Variants in EBF1 observed in about 807,000 individuals in gnomAD.
The protein encoded by EBF1 is EBF transcription factor 1.
A neutral mutation model predicts 68.4 loss-of-function variants in EBF1; 10 were observed. The ratio of observed to expected loss-of-function variants is 0.15; its 90% CI spans 0.09 to 0.25. The LOEUF (loss-of-function observed/expected upper bound fraction) is 0.25. EBF1 is among the 10% of genes least tolerant of loss of function. The pLI is 1.00. For missense variants in EBF1, 509 were observed against 794.4 expected, an observed-to-expected ratio of 0.64 and a Z score of 4.32; for synonymous variants, 298 against 299.8, an observed-to-expected ratio of 0.99 and a Z score of 0.06.
chr5:158,696,899 T>G lies in EBF1; in HGVS notation c.*2212A>C, dbSNP rs187371078. On this transcript the variant is annotated 3_prime_UTR_variant, in exon 16 of 16. Transcript: ENST00000313708. ...CTTTTGTGCTTTTCGATTTCTTTGT[T>G]TTTTTTTTTTTCTTTTTTTCTTTTT... The G allele has an allele frequency of 4.6e-5, 9 of 194,682 alleles. No individual in the cohort carries two copies. Among genetic ancestry groups the G allele is most frequent in the African/African-American group, 1.9e-4 (8 of 42,550 alleles). 12.1% of individuals were successfully genotyped at this position (194,682 alleles called of 1,614,324 possible).
intron 6 of EBF1, among the ~76,000 whole-genome samples, chr5:159,059,715 G>C (rs1006207374): frequency 6.6e-6 from 1 of 152,176 alleles, no homozygotes; most frequent in Admixed American, 6.5e-5. Flanking sequence ...GAGGAAAACA[G>C]TTCTACTGTA....
chr5:158,764,791 T>C (rs1308404571), intron 10 of EBF1, among the ~76,000 whole-genome samples: 1 of 152,170 alleles, frequency 6.6e-6, no homozygotes, highest in Non-Finnish European at 1.5e-5. Context: ...TTGGTAGGTA[T>C]AAAAATCTAA....
chr5:158,781,735 C>CTCT (rs893494517), intron 9 of EBF1, among the ~76,000 whole-genome samples: 2 of 152,130 alleles, frequency 1.3e-5, no homozygotes, highest in Admixed American at 6.5e-5. Context: ...GCCCCACTGG[C>CTCT]TCTTCTCTGC....
intron 10 of EBF1, among the ~76,000 whole-genome samples, chr5:158,766,089 C>T (rs1057305103): frequency 6.6e-6 from 1 of 152,094 alleles, no homozygotes; most frequent in South Asian, 2.1e-4. Context: ...GTAATGCTTA[C>T]GGAGGTGCAG....
chr5:158,742,167 G>GTT (rs1021362680), intron 10 of EBF1, among the ~76,000 whole-genome samples: 2 of 152,182 alleles, frequency 1.3e-5, no homozygotes, highest in African/African-American at 4.8e-5. Context: ...TTGTGATACT[G>GTT]TTTTTGCTAT....
intron 6 of EBF1, among the ~76,000 whole-genome samples, chr5:158,903,613 C>T (rs75910423): frequency 6.6e-6 from 1 of 151,836 alleles, no homozygotes; most frequent in Admixed American, 6.6e-5. Flanking sequence ...AAAAAAAAAA[C>T]GCAGTCTGCT....
chr5:158,782,911 G>T (rs562622299), intron 9 of EBF1, among the ~76,000 whole-genome samples: 1 of 151,748 alleles, frequency 6.6e-6, no homozygotes, highest in African/African-American at 2.4e-5. Flanking sequence ...TGACTAGCTC[G>T]ACACTCAGAT....
intron 8 of EBF1, among the ~76,000 whole-genome samples, chr5:158,798,574 C>A (rs1285952178): frequency 6.6e-6 from 1 of 152,142 alleles, no homozygotes; most frequent in African/African-American, 2.4e-5. Context: ...TGGTTTTGAA[C>A]TTGACCCCTT....
At chr5:159,092,698 G>A (rs1781873237) in intron 4 of EBF1, among the ~76,000 whole-genome samples, 1 of 152,180 alleles carries the variant, frequency 6.6e-6, no homozygotes, top group Non-Finnish European at 1.5e-5. Context: ...TCAAGAATAT[G>A]ACATCACTCA....
chr5:158,956,259 T>G (rs1417890959), intron 6 of EBF1, among the ~76,000 whole-genome samples: 2 of 152,154 alleles, frequency 1.3e-5, no homozygotes, highest in Non-Finnish European at 2.9e-5. Context: ...TGCTGCAGTT[T>G]CCTTTCACTG....
intron 10 of EBF1, among the ~76,000 whole-genome samples, chr5:158,735,676 T>C (rs1765024505): frequency 1.3e-5 from 2 of 152,172 alleles, no homozygotes; most frequent in African/African-American, 2.4e-5. Context: ...GTATCAACAT[T>C]ACTACTTTTG....
chr5:158,749,803 C>A (rs936865151), intron 10 of EBF1, among the ~76,000 whole-genome samples: 5 of 152,188 alleles, frequency 3.3e-5, no homozygotes, highest in South Asian at 2.1e-4. Context: ...GCTGGACATA[C>A]CTTTTCTCAG....
chr5:158,975,541 C>A (rs1680713945), intron 6 of EBF1, among the ~76,000 whole-genome samples: 1 of 150,640 alleles, frequency 6.6e-6, no homozygotes, highest in Non-Finnish European at 1.5e-5. Flanking sequence ...CAGAGAGAGG[C>A]AGGAAAAAAA....
At chr5:158,944,862 G>C (rs755357503) in intron 6 of EBF1, among the ~76,000 whole-genome samples, 2 of 152,198 alleles carry the variant, frequency 1.3e-5, no homozygotes, top group Non-Finnish European at 2.9e-5. Flanking sequence ...CCACATAAAA[G>C]TCTTCTTTAG....
intron 11 of EBF1, among the ~76,000 whole-genome samples, chr5:158,717,775 C>G (rs1761078474): frequency 6.6e-6 from 1 of 151,990 alleles, no homozygotes; most frequent in African/African-American, 2.4e-5. Context: ...TGCTCATGGC[C>G]TTGGATTTCT....
intron 6 of EBF1, among the ~76,000 whole-genome samples, chr5:158,928,835 A>G (rs1304875884): frequency 1.3e-5 from 2 of 152,256 alleles, no homozygotes; most frequent in Non-Finnish European, 2.9e-5. Flanking sequence ...GCCAGTTTAT[A>G]TATCTGCAAA....
At chr5:159,012,957 C>T (rs778271260) in intron 6 of EBF1, among the ~76,000 whole-genome samples, 5 of 152,144 alleles carry the variant, frequency 3.3e-5, no homozygotes, top group South Asian at 2.1e-4. Flanking sequence ...ACGGCGTCTA[C>T]GAGCCAAGGA....
intron 6 of EBF1, among the ~76,000 whole-genome samples, chr5:158,979,494 T>C (rs1161446387): frequency 6.6e-6 from 1 of 152,170 alleles, no homozygotes; most frequent in Non-Finnish European, 1.5e-5. Flanking sequence ...GTTTTTGCGA[T>C]GGTAAATTAT....
rs1776947336 is a variant in EBF1 at position 158,784,055 on chromosome 5, A to ATT, written c.910-6517_910-6516insAA. Among the ~76,000 whole-genome samples, 10 of 151,818 alleles carry ATT rather than the reference A, an allele frequency of 6.6e-5. 1 individual carries two copies. In the South Asian group the frequency reaches 2.1e-3, roughly 31 times the overall value. ...TATCTATATTGTTCTAGTTCTCACTAAATTGATGATGGTAATGACCTTGAT... is the reference window on the plus strand; with the variant it reads ...TATCTATATTGTTCTAGTTCTCACTATTAATTGATGATGGTAATGACCTTGAT... On this transcript the variant is annotated intron_variant, in intron 9 of 15. Transcript: ENST00000313708.
Sources: allele counts gnomAD v4.1 joint callset (sites outside exome capture counted in the v4.1 genomes callset), GRCh38; gene constraint gnomAD v4.1.1; transcripts MANE v1.5; gene names NCBI Gene and HGNC (gene_info 2026-07-23, HGNC 2026-07-21).